Variants in PCDHAC2 observed in about 807,000 individuals in gnomAD.
PCDHAC2 encodes protocadherin alpha subfamily C, 2.
A neutral mutation model predicts 63.3 loss-of-function variants in PCDHAC2; 24 were observed. The observed-to-expected ratio is 0.38, with a 90% CI of 0.27 to 0.53. PCDHAC2 has a LOEUF of 0.53. PCDHAC2 is among the 20% of genes least tolerant of loss of function. The pLI is 0.81. For missense variants in PCDHAC2, 1,181 were observed against 1,275.2 expected, an observed-to-expected ratio of 0.93 and a Z score of 1.12; for synonymous variants, 569 against 529.4, an observed-to-expected ratio of 1.07 and a Z score of -1.03.
chr5:140,978,036 C>T (rs1460377915), intron 1 of PCDHAC2, among the ~76,000 whole-genome samples: 22 of 152,268 alleles, frequency 1.4e-4, no homozygotes, highest in Admixed American at 1.4e-3. Context: ...TGATACAAGA[C>T]AGTGATGGTG....
At chr5:140,985,373 C>T (rs1228293287) in intron 3 of PCDHAC2, among the ~76,000 whole-genome samples, 1 of 152,106 alleles carries the variant, frequency 6.6e-6, no homozygotes, top group Non-Finnish European at 1.5e-5. Flanking sequence ...TTATCTGGGT[C>T]TATATAATCC....
chr5:140,972,660 A>ATTTT (rs11350929), intron 1 of PCDHAC2, among the ~76,000 whole-genome samples: 3 of 117,268 alleles, frequency 2.6e-5, no homozygotes, highest in Admixed American at 9.2e-5. Context: ...AAGAAACCAA[A>ATTTT]TTTTTTTTTT....
chr5:140,988,535 A>T (rs1426235004), intron 3 of PCDHAC2, among the ~76,000 whole-genome samples: 2 of 152,164 alleles, frequency 1.3e-5, no homozygotes, highest in Non-Finnish European at 2.9e-5. Flanking sequence ...GGCTCCATCC[A>T]TTCATGACTT....
intron 1 of PCDHAC2, among the ~76,000 whole-genome samples, chr5:140,976,091 C>CAACTTTTCAA (rs2096700073): frequency 6.6e-6 from 1 of 152,166 alleles, no homozygotes; most frequent in Non-Finnish European, 1.5e-5. Flanking sequence ...TATCAGTAGT[C>CAACTTTTCAA]AACTTTTCAA....
chr5:140,978,427 GTTGCT>G (rs2096802128), intron 1 of PCDHAC2, among the ~76,000 whole-genome samples: 1 of 152,196 alleles, frequency 6.6e-6, no homozygotes, highest in Non-Finnish European at 1.5e-5. Context: ...ACTGTTATCA[GTTGCT>G]GGTGTTATGA....
chr5:140,972,287 G>T (rs2096528818), intron 1 of PCDHAC2, among the ~76,000 whole-genome samples: 1 of 151,036 alleles, frequency 6.6e-6, no homozygotes, highest in Non-Finnish European at 1.5e-5. Flanking sequence ...CCATAGATGT[G>T]CGCCACCGTG....
chr5:140,974,396 G>C (rs1413050341), intron 1 of PCDHAC2, among the ~76,000 whole-genome samples: 1 of 152,178 alleles, frequency 6.6e-6, no homozygotes, highest in Admixed American at 6.5e-5. Context: ...CATTAGGTAT[G>C]TTCTAAAGTT....
intron 3 of PCDHAC2, among the ~76,000 whole-genome samples, chr5:140,996,335 T>G (rs887353118): frequency 1.3e-5 from 2 of 152,202 alleles, no homozygotes; most frequent in African/African-American, 4.8e-5. Flanking sequence ...AAGAAAAGTT[T>G]GAAAACCCAA....
chr5:140,990,990 A>G (rs1269528161), intron 3 of PCDHAC2, among the ~76,000 whole-genome samples: 1 of 152,210 alleles, frequency 6.6e-6, no homozygotes, highest in East Asian at 1.9e-4. Flanking sequence ...GACAATAGCT[A>G]CCATTTATTG....
At chr5:140,996,752 G>T (rs1454271001) in intron 3 of PCDHAC2, among the ~76,000 whole-genome samples, 4 of 152,090 alleles carry the variant, frequency 2.6e-5, no homozygotes, top group African/African-American at 7.2e-5. Context: ...AATTATATCT[G>T]TGCAGGACTA....
At chr5:140,985,670 G>A (rs1554247237) in intron 3 of PCDHAC2, among the ~76,000 whole-genome samples, 1 of 152,024 alleles carries the variant, frequency 6.6e-6, no homozygotes, top group East Asian at 1.9e-4. Flanking sequence ...AAAGGAAGTG[G>A]GGCCTGCCTT....
intron 3 of PCDHAC2, among the ~76,000 whole-genome samples, chr5:141,000,409 ATATATATATATATTT>A (rs2097918498): frequency 1.1e-5 from 1 of 94,040 alleles, no homozygotes; most frequent in East Asian, 3.1e-4. Flanking sequence ...ATATATATAT[ATATATATATATATTT>A]TTTTTTTTTT....
chr5:140,975,588 A>G (rs2096673583), intron 1 of PCDHAC2, among the ~76,000 whole-genome samples: 1 of 152,210 alleles, frequency 6.6e-6, no homozygotes, highest in South Asian at 2.1e-4. Context: ...CATGTCCCAG[A>G]GGGCAATTTG....
At chr5:140,974,320 CT>C (rs2096622624) in intron 1 of PCDHAC2, among the ~76,000 whole-genome samples, 1 of 152,206 alleles carries the variant, frequency 6.6e-6, no homozygotes, top group Non-Finnish European at 1.5e-5. Context: ...GAGAGAGTAG[CT>C]GCTGTGCTAG....
chr5:140,992,070 GA>G (rs1554252639), intron 3 of PCDHAC2, among the ~76,000 whole-genome samples: 1 of 151,052 alleles, frequency 6.6e-6, no homozygotes, highest in Non-Finnish European at 1.5e-5. Context: ...AATTTCAGTA[GA>G]GAATGAGCTA....
intron 3 of PCDHAC2, among the ~76,000 whole-genome samples, chr5:140,985,739 CTT>C (rs11372071): frequency 4.2e-4 from 50 of 117,920 alleles, no homozygotes; most frequent in Middle Eastern, 4.8e-3. Context: ...TGATGAATTC[CTT>C]TTTTTTTTTT....
chr5:140,991,837 C>T (rs1379982421), intron 3 of PCDHAC2, among the ~76,000 whole-genome samples: 3 of 152,158 alleles, frequency 2.0e-5, no homozygotes, highest in African/African-American at 7.2e-5. Context: ...ACGGCAGAAC[C>T]GCACTTCCAG....
intron 1 of PCDHAC2, among the ~76,000 whole-genome samples, chr5:140,975,280 T>G (rs914764307): frequency 5.3e-5 from 8 of 152,252 alleles, no homozygotes; most frequent in Admixed American, 3.9e-4. Context: ...CTCTGACCTC[T>G]AGACCCAGAT....
intron 1 of PCDHAC2, among the ~76,000 whole-genome samples, chr5:140,974,321 T>C (rs2096622495): frequency 6.6e-6 from 1 of 152,226 alleles, no homozygotes; most frequent in Non-Finnish European, 1.5e-5. Context: ...AGAGAGTAGC[T>C]GCTGTGCTAG....
Sources: allele counts gnomAD v4.1 joint callset (sites outside exome capture counted in the v4.1 genomes callset), GRCh38; gene constraint gnomAD v4.1.1; transcripts MANE v1.5; gene names NCBI Gene and HGNC (gene_info 2026-07-23, HGNC 2026-07-21).